Variants in TNK2 observed in about 807,000 individuals in gnomAD.
The protein encoded by TNK2 is tyrosine kinase non receptor 2.
A neutral mutation model predicts 101.8 loss-of-function variants in TNK2; 83 were observed. The ratio of observed to expected loss-of-function variants is 0.82; its 90% confidence interval spans 0.68 to 0.98. The LOEUF (loss-of-function observed/expected upper bound fraction) is 0.98. Ranked by LOEUF, TNK2 falls within the 50% of genes least tolerant of loss-of-function variation. TNK2 has a pLI of 0.00. For synonymous variants in TNK2, 804 were observed against 633.0 expected (o/e 1.27, Z -4.06); for missense variants, 1,665 against 1,483.2 (o/e 1.12, Z -2.01).
At chr3:195,869,928 G>C (rs1053925846) in intron 11 of TNK2, 186 bp downstream of exon 11, 4 of 572,240 alleles carry the variant, frequency 7.0e-6, no homozygotes, top group Admixed American at 6.6e-5. Flanking sequence ...GGCCCACCTC[G>C]GCGGATACAG....
At chr3:195,874,433 A>AAC (rs974839087) in intron 9 of TNK2, among the ~76,000 whole-genome samples, 20 of 152,326 alleles carry the variant, frequency 1.3e-4, no homozygotes, top group African/African-American at 4.8e-4. Flanking sequence ...CACTCGAGAA[A>AAC]ACATGCTTGC....
intron 1 of TNK2, among the ~76,000 whole-genome samples, chr3:195,893,737 C>T (rs377761021): frequency 1.1e-4 from 17 of 152,206 alleles, no homozygotes; most frequent in African/African-American, 4.1e-4. Context: ...CCTAGGGAGC[C>T]CCTGTTTCTT....
In TNK2 at chr3:195,870,134, T is replaced by TG. The variant is rs754147115; in HGVS notation, c.1522dup (p.Gln508ProfsTer27). ...CTTACTTTTCACCCCTCCTAGATGC[T>TG]GGGGGGGCCGGGAGGTGCTCAGTTC... On this transcript the variant is annotated frameshift_variant, in exon 11 of 16. Coordinates refer to ENST00000672887, the MANE Select transcript of TNK2 (RefSeq NM_001382273.1). LOFTEE classifies it high-confidence loss of function. The TG allele has an allele frequency of 5.6e-5, 78 of 1,393,602 alleles. No individual in the cohort carries two copies. The highest frequency in any genetic ancestry group is 7.2e-5 in the South Asian group (5 of 69,694). The allele number at this position is 1,393,602 out of a possible 1,614,324, so 86.3% of individuals were successfully genotyped here.
chr3:195,870,832 G>T (rs928662529), intron 10 of TNK2, among the ~76,000 whole-genome samples: 31 of 152,252 alleles, frequency 2.0e-4, no homozygotes, highest in African/African-American at 7.5e-4. Flanking sequence ...CAACTCTCAG[G>T]CCCTTGCTGG....
intron 15 of TNK2, 139 bp downstream of exon 15, chr3:195,866,750 C>CCCA: frequency 7.9e-7 from 1 of 1,261,350 alleles, no homozygotes; most frequent in Non-Finnish European, 1.1e-6. Context: ...GCCCTGTGAG[C>CCCA]GCCTCCCTCC....
Position 195,872,467 on chromosome 3 carries a change from G to A in TNK2, c.1260C>T (p.Ala420=), listed in dbSNP as rs139869381. The A allele has an allele frequency of 3.1e-5, 49 of 1,584,098 alleles. No homozygotes were observed. Among genetic ancestry groups the A allele is most frequent in the East Asian group, 6.8e-5 (3 of 44,436 alleles). Residue 420 remains alanine (A), a synonymous_variant, in exon 10 of 16, where the codon GCC becomes GCT. Transcript: ENST00000672887. ...TCTGGCCACGCCACCAGTAGTTCTC[G>A]GCCCTGCGCGACAGAGATGGCACGG... is the stretch of plus-strand genomic sequence containing the variant. ...NDVITVIEGR[A]ENYWWRGQNT...
intron 1 of TNK2, among the ~76,000 whole-genome samples, chr3:195,897,762 A>G (rs1264177016): frequency 1.3e-5 from 2 of 150,856 alleles, no homozygotes; most frequent in African/African-American, 2.4e-5. Context: ...TTGCTCTCTC[A>G]AAGTGCTGGG....
chr3:195,892,112 A>C, intron 1 of TNK2: 3 of 631,450 alleles, frequency 4.8e-6, no homozygotes, highest in Non-Finnish European at 2.2e-6. Flanking sequence ...AGCACAGGGC[A>C]TGGCTGCAGC....
chr3:195,870,482 C>T, intron 10 of TNK2: 2 of 1,087,246 alleles, frequency 1.8e-6, no homozygotes, highest in Non-Finnish European at 2.4e-6. Context: ...CCTCCACAAC[C>T]CCCCAGGCCC....
rs1755946118 is a variant in TNK2 at position 195,887,008 on chromosome 3, G to C, written c.203C>G (p.Ala68Gly). ...RLWEAVKRRK[A>G]LCKRKSWMSK... ...CATCCACGACTTGCGTTTGCACAAG[G>C]CCTTCCTCCTCTTCACAGCCTCCCA... The change falls in exon 3 of 16, where the codon GCC becomes GGC. Residue 68 changes from alanine (A) to glycine (G), a missense_variant. By Grantham distance (60) the Ala-to-Gly change is moderately conservative. This residue lies in a region of TNK2 where 490 missense variants were observed against 522.5 expected (regional missense o/e 0.94). Coordinates refer to ENST00000672887, the MANE Select transcript of TNK2 (RefSeq NM_001382273.1). 6.2e-7 allele frequency: 1 copy of C among 1,614,080 alleles called. No homozygotes were observed. The highest frequency in any genetic ancestry group is 1.7e-5 in the Admixed American group (1 of 60,006).
At chr3:195,887,782 C>T (rs368831829) in intron 2 of TNK2, among the ~76,000 whole-genome samples, 103 of 150,878 alleles carry the variant, frequency 6.8e-4, no homozygotes, top group African/African-American at 1.7e-3. Flanking sequence ...CGTCTGCGCG[C>T]GTGTGTGTAC....
At chr3:195,897,563 G>A (rs1358879546) in intron 1 of TNK2, among the ~76,000 whole-genome samples, 1 of 152,184 alleles carries the variant, frequency 6.6e-6, no homozygotes, top group Admixed American at 6.5e-5. Context: ...GTGCAGTGGT[G>A]CGATCTTGGC....
At position 195,868,373 on chromosome 3, in the gene TNK2, C is replaced by T. The variant is rs760147898; in HGVS notation, c.1925G>A (p.Arg642His). ...ATAGGCGGGCGGGGGGGGCAGCGGG[C>T]GTGCGTCCCAGTCCACCACAGGCGT... Reference protein sequence around the residue: ...HPTPVVDWDARPLPPPPAYDD... With the variant: ...HPTPVVDWDAHPLPPPPAYDD... Residue 642 changes from arginine to histidine, a missense_variant, in exon 13 of 16, where the codon CGC (arginine) becomes CAC (histidine). Physicochemically the swap from Arg to His is conservative, Grantham distance 29 (BLOSUM62 0). Around this residue, in one of 3 missense-constraint regions of TNK2, gnomAD observed 1,136 missense variants for 894.9 expected, o/e 1.27. Transcript: ENST00000672887. 1.1e-5 allele frequency: 18 copies of T among 1,593,230 alleles called. No homozygotes were observed. Among genetic ancestry groups the T allele is most frequent in the African/African-American group, 2.7e-5 (2 of 74,742 alleles).
chr3:195,895,962 G>A, intron 1 of TNK2: 1 of 233,282 alleles, frequency 4.3e-6, no homozygotes, highest in Non-Finnish European at 8.4e-6. Flanking sequence ...CTCCCGCGCA[G>A]GCCACGCCCC....
intron 1 of TNK2, among the ~76,000 whole-genome samples, chr3:195,898,462 C>A (rs1760875004): frequency 6.6e-6 from 1 of 152,212 alleles, no homozygotes; most frequent in Non-Finnish European, 1.5e-5. Context: ...ACTATGGGCC[C>A]TTCCCTCAGT....
rs1019605863 is a variant in TNK2 at position 195,895,555 on chromosome 3, C to T, written c.-18-6949G>A. ...TGCAGCCCGTCCCAGCTCCGTTCCTCCTCTCCGGGGCGCGGCTCCCACCCT... is the reference window on the plus strand; with the variant it reads ...TGCAGCCCGTCCCAGCTCCGTTCCTTCTCTCCGGGGCGCGGCTCCCACCCT... On this transcript the variant is annotated intron_variant, in intron 1 of 15. Transcript: ENST00000672887. 21 of 1,326,448 alleles carry T rather than the reference C, an allele frequency of 1.6e-5. No individual in the cohort carries two copies. The Admixed American group carries it at 4.2e-4, about 26-fold the overall frequency. The allele number at this position is 1,326,448 out of a possible 1,614,324, so 82.2% of individuals were successfully genotyped here.
chr3:195,897,195 G>C (rs922201964), intron 1 of TNK2, among the ~76,000 whole-genome samples: 2 of 152,232 alleles, frequency 1.3e-5, no homozygotes, highest in African/African-American at 4.8e-5. Flanking sequence ...CAGGCTTCTG[G>C]AGCAAGGCCA....
At chr3:195,889,683 T>C (rs1210289987) in intron 1 of TNK2, among the ~76,000 whole-genome samples, 1 of 152,196 alleles carries the variant, frequency 6.6e-6, no homozygotes, top group Non-Finnish European at 1.5e-5. Flanking sequence ...CAGCCAGTGG[T>C]ACCGGAGAGT....
chr3:195,863,588 C>G lies in TNK2; in HGVS notation c.*593G>C, dbSNP rs185046001. 6.5e-6 allele frequency: 1 copy of G among 152,960 alleles called. No homozygotes were observed. The highest frequency in any genetic ancestry group is 2.4e-5 in the African/African-American group (1 of 41,458). The allele number at this position is 152,960 out of a possible 1,614,324, so 9.5% of individuals were successfully genotyped here. A position where few individuals can be genotyped will look rare whatever the true frequency, so the allele number is the denominator to read the frequency against. On this transcript the variant is annotated 3_prime_UTR_variant, in exon 16 of 16. Coordinates refer to ENST00000672887, the MANE Select transcript of TNK2 (RefSeq NM_001382273.1). ...CAGAGAATGGTCTGGCACCCTTTCT[C>G]CGCTTCCTGAGCCACCTCAGGCTAT... is the stretch of plus-strand genomic sequence containing the variant.
Sources: gnomAD v4.1 joint callset for allele counts (sites outside exome capture counted in the v4.1 genomes callset) on GRCh38, gnomAD v4.1.1 for gene constraint, gnomAD v4.1.1 regional missense constraint, MANE v1.5 for transcripts, NCBI Gene and HGNC (gene_info 2026-07-23, HGNC 2026-07-21) for gene names.